LINGO1: variants seen among roughly 807,000 people sequenced by gnomAD.
LINGO1 encodes leucine-rich repeat and immunoglobulin-like domain-containing nogo receptor-interacting protein 1.
LINGO1 carries 11 observed loss-of-function variants against 37.3 expected under a neutral mutation model. The observed-to-expected ratio is 0.29, with a 90% confidence interval of 0.19 to 0.49. LINGO1 has a LOEUF of 0.49. Among genes scored for constraint, LINGO1 ranks in the 20% least tolerant of loss-of-function variants. The pLI, the probability that LINGO1 is intolerant of heterozygous loss-of-function variation, is 0.99. For missense variants in LINGO1, 585 were observed against 878.2 expected, an observed-to-expected ratio of 0.67 and a Z score of 4.22; for synonymous variants, 387 against 403.0, an observed-to-expected ratio of 0.96 and a Z score of 0.48.
At position 77,784,312 on chromosome 15, in the gene LINGO1, G is replaced by A. The variant is rs114068569; in HGVS notation, c.-257+2557C>T. ...AGGCCATGGGGCTCTAAGGACACAC[G>A]CAGGGCCCACTCAGTCCCACTCAGG... is the stretch of plus-strand genomic sequence containing the variant. On this transcript the variant is annotated intron_variant, in intron 1 of 3. Coordinates refer to the LINGO1 transcript ENST00000561686. Among the ~76,000 whole-genome samples, 157 of 152,344 alleles carry A rather than the reference G, an allele frequency of 1.0e-3. 1 individual carries two copies. The highest frequency in any genetic ancestry group is 3.7e-3 in the African/African-American group (155 of 41,580).
chr15:77,629,501 C>T (rs548309166), intron 1 of LINGO1, among the ~76,000 whole-genome samples: 1 of 152,274 alleles, frequency 6.6e-6, no homozygotes, highest in African/African-American at 2.4e-5. Flanking sequence ...CCTAAAGCAC[C>T]TCTGACAACC....
intron 1 of LINGO1, among the ~76,000 whole-genome samples, chr15:77,629,205 C>T (rs985521614): frequency 6.6e-6 from 1 of 152,212 alleles, no homozygotes; most frequent in Admixed American, 6.5e-5. Context: ...TATGAAATAA[C>T]ATTGAAGAAA....
At chr15:77,785,152 A>G (rs2076758938) in intron 1 of LINGO1, 1 of 152,178 alleles carries the variant, frequency 6.6e-6, no homozygotes, top group African/African-American at 2.4e-5. Flanking sequence ...CACAAACCCA[A>G]GTTGGGAGTG....
In LINGO1 at chr15:77,632,271, G is replaced by C; in HGVS notation, c.6+39C>G. On this transcript the variant is annotated intron_variant, in intron 1 of 1. Transcript: ENST00000355300. The surrounding 1 kb of genome is among the most constrained non-coding windows in gnomAD (Gnocchi z 6.0). The stretch of plus-strand genomic sequence containing the variant: ...GGCCCCCAGGGGCACTCGCCGCGGG[G>C]CTGCCCGCTCGGGGCTCGGCCGCGG... 7.2e-7 allele frequency: 1 copy of C among 1,392,466 alleles called. No individual in the cohort carries two copies. The highest frequency in any genetic ancestry group is 9.3e-7 in the Non-Finnish European group (1 of 1,075,378). The allele number at this position is 1,392,466 out of a possible 1,614,324, so 86.3% of individuals were successfully genotyped here.
intron 1 of LINGO1, among the ~76,000 whole-genome samples, chr15:77,776,421 G>A (rs1346818720): frequency 1.3e-5 from 2 of 151,142 alleles, no homozygotes; most frequent in Non-Finnish European, 2.9e-5. Flanking sequence ...GGTGGTCTTG[G>A]GGGCAGGTCA....
At chr15:77,775,941 C>G (rs759527506) in intron 1 of LINGO1, among the ~76,000 whole-genome samples, 2 of 152,134 alleles carry the variant, frequency 1.3e-5, no homozygotes, top group African/African-American at 2.4e-5. Context: ...CTCATTAGCA[C>G]AACCTGATGT....
intron 2 of LINGO1, among the ~76,000 whole-genome samples, chr15:77,726,332 C>A (rs1003485429): frequency 7.9e-5 from 12 of 152,244 alleles, no homozygotes; most frequent in Admixed American, 2.0e-4. Context: ...CTGCCTCCCC[C>A]ACAGGCACCC....
At chr15:77,624,783 C>T (rs976187010) in intron 1 of LINGO1, among the ~76,000 whole-genome samples, 2 of 152,044 alleles carry the variant, frequency 1.3e-5, no homozygotes, top group East Asian at 1.9e-4. Context: ...TTGCCCAGTA[C>T]CCCCAGTTGG....
chr15:77,760,904 G>A (rs2076469288), intron 1 of LINGO1, among the ~76,000 whole-genome samples: 1 of 132,202 alleles, frequency 7.6e-6, no homozygotes. Context: ...TGTTGTGATT[G>A]TTAATAAGTA....
Position 77,614,453 on chromosome 15 carries a change from C to T in LINGO1, c.1454G>A (p.Arg485His), listed in dbSNP as rs2073617803. ...GCCGTTGTCCTGTACCTGGGCGTAG[C>T]GCACCTCCAGCGTGCCATCAGGGAA... ...TVFPDGTLEV[R>H]YAQVQDNGTY... Residue 485 changes from arginine to histidine, a missense_variant, in exon 2 of 2, where the codon CGC (arginine) becomes CAC (histidine). Physicochemically the swap from Arg to His is conservative, Grantham distance 29. Transcript: ENST00000355300. 1.9e-6 allele frequency: 3 copies of T among 1,610,888 alleles called. No homozygotes were observed. The highest frequency in any genetic ancestry group is 1.7e-6 in the Non-Finnish European group (2 of 1,179,792).
At chr15:77,700,213 C>G (rs565418420), upstream of LINGO1, among the ~76,000 whole-genome samples, 19 of 152,324 alleles carry the variant, frequency 1.2e-4, no homozygotes, top group African/African-American at 4.3e-4. Flanking sequence ...AGCTCCTCCC[C>G]CCAACACACC....
At chr15:77,708,045 G>A (rs1487298733) in intron 2 of LINGO1, among the ~76,000 whole-genome samples, 2 of 152,182 alleles carry the variant, frequency 1.3e-5, no homozygotes, top group Non-Finnish European at 2.9e-5. Flanking sequence ...TTTCTGTCTT[G>A]CACAAGGTAA....
intron 2 of LINGO1, among the ~76,000 whole-genome samples, chr15:77,794,343 CATATATACGTATATATGTGTAT>C (rs2076844400): frequency 9.0e-6 from 1 of 110,762 alleles, no homozygotes; most frequent in Admixed American, 1.0e-4. Context: ...TATATACATA[CATATATACGTATATATGTGTAT>C]ATACATACGT....
intron 2 of LINGO1, among the ~76,000 whole-genome samples, chr15:77,689,203 T>C (rs574482047): frequency 6.6e-6 from 1 of 152,146 alleles, no homozygotes; most frequent in South Asian, 2.1e-4. Context: ...AGAGCCTGGG[T>C]GTGGAAGAGG....
intron 2 of LINGO1, among the ~76,000 whole-genome samples, chr15:77,728,351 C>A (rs1567550521): frequency 1.3e-5 from 2 of 152,254 alleles, no homozygotes; most frequent in African/African-American, 4.8e-5. Flanking sequence ...AGTCCCAACC[C>A]CCAGAGCTCA....
At chr15:77,649,438 G>A (rs1049678501) in intron 3 of LINGO1, among the ~76,000 whole-genome samples, 12 of 152,238 alleles carry the variant, frequency 7.9e-5, no homozygotes, top group East Asian at 1.9e-4. Flanking sequence ...ATACCCACAT[G>A]AGTCTGTAAT....
At chr15:77,640,591 T>C (rs1057255969) in intron 3 of LINGO1, among the ~76,000 whole-genome samples, 4 of 152,050 alleles carry the variant, frequency 2.6e-5, no homozygotes, top group African/African-American at 9.7e-5. Flanking sequence ...ACAGCTGAGA[T>C]TGTCAGGATG....
chr15:77,721,233 C>T (rs2076046842), intron 2 of LINGO1, among the ~76,000 whole-genome samples: 1 of 152,148 alleles, frequency 6.6e-6, no homozygotes, highest in African/African-American at 2.4e-5. Flanking sequence ...CCCCTCCAGC[C>T]ATACCTCCCC....
At chr15:77,648,020 G>T in intron 3 of LINGO1, 2 of 430,678 alleles carry the variant, frequency 4.6e-6, no homozygotes, top group Middle Eastern at 3.7e-4. Context: ...TTTGTCCTGA[G>T]ACATCCGGAA....
Sources: allele counts gnomAD v4.1 joint callset (sites outside exome capture counted in the v4.1 genomes callset), GRCh38; gene constraint gnomAD v4.1.1; non-coding constraint Gnocchi (gnomAD v3.1); transcripts MANE v1.5; gene names NCBI Gene and HGNC (gene_info 2026-07-23, HGNC 2026-07-21).